PPP2R2B: variants seen among roughly 807,000 people sequenced by gnomAD.
The protein encoded by PPP2R2B is serine/threonine-protein phosphatase 2A 55 kDa regulatory subunit B beta isoform.
Under a neutral mutation model 46.0 loss-of-function variants are expected in PPP2R2B, and 5 were observed. That is an observed-to-expected ratio of 0.11 (90% CI 0.06 to 0.23). The LOEUF is 0.23. Among genes scored for constraint, PPP2R2B ranks in the 10% least tolerant of loss-of-function variants. The pLI, the probability that PPP2R2B is intolerant of heterozygous loss-of-function variation, is 1.00. For missense variants in PPP2R2B, 367 were observed against 575.0 expected, an observed-to-expected ratio of 0.64 and a Z score of 3.70; for synonymous variants, 215 against 206.7, an observed-to-expected ratio of 1.04 and a Z score of -0.34.
chr5:146,680,781 G>T (rs550503713), intron 5 of PPP2R2B, among the ~76,000 whole-genome samples: 2 of 152,282 alleles, frequency 1.3e-5, no homozygotes, highest in African/African-American at 4.8e-5. Context: ...ACAAGAGCAT[G>T]ACCCACCTTC....
intron 2 of PPP2R2B, among the ~76,000 whole-genome samples, chr5:146,788,847 T>A (rs1462341536): frequency 6.6e-6 from 1 of 152,226 alleles, no homozygotes; most frequent in Non-Finnish European, 1.5e-5. Context: ...GGGTTTTGAC[T>A]CACACAGACC....
chr5:146,700,832 G>A (rs182691795), intron 3 of PPP2R2B, among the ~76,000 whole-genome samples: 22 of 152,288 alleles, frequency 1.4e-4, no homozygotes, highest in South Asian at 4.2e-4. Context: ...ACATCCAGGC[G>A]TAGAAAGATA....
chr5:147,050,439 A>T (rs974482250), intron 1 of PPP2R2B, among the ~76,000 whole-genome samples: 2 of 152,190 alleles, frequency 1.3e-5, no homozygotes, highest in Non-Finnish European at 2.9e-5. Context: ...GACTGAGAAG[A>T]GAATTTCAAA....
intron 1 of PPP2R2B, among the ~76,000 whole-genome samples, chr5:146,917,131 T>C (rs1407589821): frequency 6.6e-6 from 1 of 152,164 alleles, no homozygotes; most frequent in Admixed American, 6.5e-5. Context: ...AGATGAACAA[T>C]CTCTTCCTTT....
chr5:146,828,979 G>C (rs1438476406), intron 2 of PPP2R2B, among the ~76,000 whole-genome samples: 1 of 152,104 alleles, frequency 6.6e-6, no homozygotes, highest in Non-Finnish European at 1.5e-5. Context: ...TTCCGAATCA[G>C]GAATATTTTC....
At chr5:146,728,698 T>C (rs1224691418) in intron 2 of PPP2R2B, among the ~76,000 whole-genome samples, 1 of 152,230 alleles carries the variant, frequency 6.6e-6, no homozygotes, top group African/African-American at 2.4e-5. Flanking sequence ...TTTCCCGTGC[T>C]ATTCTCATGA....
chr5:146,886,022 C>G (rs116240566), intron 1 of PPP2R2B, among the ~76,000 whole-genome samples: 9 of 151,808 alleles, frequency 5.9e-5, no homozygotes, highest in African/African-American at 2.2e-4. Flanking sequence ...ATTTCTTTTG[C>G]GGGTGTTGAA....
At chr5:146,718,630 G>A (rs143652680) in intron 2 of PPP2R2B, among the ~76,000 whole-genome samples, 1 of 152,208 alleles carries the variant, frequency 6.6e-6, no homozygotes, top group African/African-American at 2.4e-5. Flanking sequence ...ATTATAAAAT[G>A]CACACACACC....
At chr5:146,658,624 C>T (rs1215193966) in intron 5 of PPP2R2B, among the ~76,000 whole-genome samples, 1 of 152,164 alleles carries the variant, frequency 6.6e-6, no homozygotes, top group Non-Finnish European at 1.5e-5. Flanking sequence ...TCGTTCCTAA[C>T]TTCCATGTTC....
intron 2 of PPP2R2B, among the ~76,000 whole-genome samples, chr5:146,861,928 T>A (rs1269073066): frequency 6.6e-6 from 1 of 152,116 alleles, no homozygotes; most frequent in Admixed American, 6.5e-5. Context: ...ACATAATTTT[T>A]CTTATTGATA....
At chr5:147,033,926 C>T (rs1755911833) in intron 1 of PPP2R2B, among the ~76,000 whole-genome samples, 1 of 152,038 alleles carries the variant, frequency 6.6e-6, no homozygotes, top group Non-Finnish European at 1.5e-5. Flanking sequence ...CAACCAAATA[C>T]CTTAAAAATA....
At chr5:146,800,708 C>A (rs1756810757) in intron 2 of PPP2R2B, among the ~76,000 whole-genome samples, 1 of 151,914 alleles carries the variant, frequency 6.6e-6, no homozygotes, top group Non-Finnish European at 1.5e-5. Flanking sequence ...GTACTCCTGC[C>A]CTTCGGTCTA....
At chr5:146,703,168 T>TGAATGGTTAGC (rs1382929402) in intron 2 of PPP2R2B, among the ~76,000 whole-genome samples, 6 of 152,232 alleles carry the variant, frequency 3.9e-5, no homozygotes, top group African/African-American at 1.4e-4. Context: ...GGCTTTTCAA[T>TGAATGGTTAGC]GAATGGTTAG....
intron 1 of PPP2R2B, among the ~76,000 whole-genome samples, chr5:146,961,929 T>G (rs1752190685): frequency 6.6e-6 from 1 of 151,876 alleles, no homozygotes; most frequent in Non-Finnish European, 1.5e-5. Flanking sequence ...TGCTTGTGTG[T>G]GTCCCTAGAG....
intron 1 of PPP2R2B, chr5:146,914,465 T>G (rs538232147): frequency 6.6e-6 from 1 of 152,304 alleles, no homozygotes; most frequent in East Asian, 1.9e-4. Context: ...AAATTAATGA[T>G]TTGTATGCTT....
At chr5:147,073,322 A>G (rs796893702) in intron 2 of PPP2R2B, among the ~76,000 whole-genome samples, 154 of 152,278 alleles carry the variant, frequency 1.0e-3, no homozygotes, top group African/African-American at 3.6e-3. Context: ...TCCAGAGCTC[A>G]CTTCTCACCA....
intron 1 of PPP2R2B, among the ~76,000 whole-genome samples, chr5:147,000,620 G>C (rs1427004145): frequency 2.4e-5 from 2 of 83,696 alleles, no homozygotes; most frequent in South Asian, 4.3e-4. Context: ...ACTCTATTAT[G>C]ATCAGTAACT....
intron 1 of PPP2R2B, among the ~76,000 whole-genome samples, chr5:147,009,886 C>A (rs929614313): frequency 6.9e-6 from 1 of 144,760 alleles, no homozygotes; most frequent in Non-Finnish European, 1.5e-5. Context: ...CACACACACA[C>A]ACACACACAC....
At chr5:146,892,010 G>A (rs563473232) in intron 1 of PPP2R2B, among the ~76,000 whole-genome samples, 22 of 152,308 alleles carry the variant, frequency 1.4e-4, no homozygotes, top group South Asian at 6.2e-4. Context: ...AGCGATTACC[G>A]TCATTAGCAG....
Sources: gnomAD v4.1 joint callset for allele counts (sites outside exome capture counted in the v4.1 genomes callset) on GRCh38, gnomAD v4.1.1 for gene constraint, MANE v1.5 for transcripts, NCBI Gene and HGNC (gene_info 2026-07-23, HGNC 2026-07-21) for gene names.